Variants in PCDHGA10 observed in about 807,000 individuals in gnomAD.
The protein encoded by PCDHGA10 is protocadherin gamma-A10.
Under a neutral mutation model 59.5 loss-of-function variants are expected in PCDHGA10, and 42 were observed. That is an observed-to-expected ratio of 0.71 (90% CI 0.55 to 0.91). PCDHGA10 has a LOEUF of 0.91. Among genes scored for constraint, PCDHGA10 ranks in the 40% least tolerant of loss-of-function variants. The pLI, the probability that PCDHGA10 is intolerant of heterozygous loss-of-function variation, is 0.00. For synonymous variants in PCDHGA10, 511 were observed against 517.2 expected, an observed-to-expected ratio of 0.99 and a Z score of 0.16; for missense variants, 1,111 against 1,198.2, an observed-to-expected ratio of 0.93 and a Z score of 1.07.
chr5:141,500,104 T>G (rs917633032), intron 2 of PCDHGA10, among the ~76,000 whole-genome samples: 4 of 152,124 alleles, frequency 2.6e-5, no homozygotes, highest in Non-Finnish European at 4.4e-5. Flanking sequence ...AATTTATTTG[T>G]TGAATCCCTG....
At chr5:141,501,423 A>G (rs1195105794) in intron 2 of PCDHGA10, among the ~76,000 whole-genome samples, 4 of 151,966 alleles carry the variant, frequency 2.6e-5, no homozygotes, top group African/African-American at 7.2e-5. Flanking sequence ...AGTTGACTAA[A>G]TGTAGTCCAT....
intron 1 of PCDHGA10, chr5:141,423,903 AG>A: frequency 7.8e-7 from 1 of 1,276,130 alleles, no homozygotes. Context: ...TTGATTTCAA[AG>A]GGGCCATTCA....
rs1289333371 is a variant in PCDHGA10, at chr5:141,460,404, G to C, written c.2437-34403G>C. Among the ~76,000 whole-genome samples, 21 of 152,038 alleles carry C rather than the reference G, an allele frequency of 1.4e-4. 1 individual carries two copies. The highest frequency in any genetic ancestry group is 1.4e-3 in the Admixed American group (21 of 15,256). Reference sequence around the variant, plus strand: ...TATAATTTGGTCTATGAATCCTTTTGAGTTGATGTTTATGTATGGTGTATG... The same window carrying C: ...TATAATTTGGTCTATGAATCCTTTTCAGTTGATGTTTATGTATGGTGTATG... On this transcript the variant is annotated intron_variant, in intron 1 of 3. Transcript: ENST00000398610.
intron 1 of PCDHGA10, among the ~76,000 whole-genome samples, chr5:141,451,630 C>T (rs899343801): frequency 2.0e-5 from 3 of 152,132 alleles, no homozygotes; most frequent in Non-Finnish European, 2.9e-5. Flanking sequence ...ACCTGTAATT[C>T]CAGCACTCTG....
rs764692908 is a variant in PCDHGA10 at position 141,431,246 on chromosome 5, G to C, written c.2436+15635G>C. On this transcript the variant is annotated intron_variant, in intron 1 of 3. Coordinates refer to ENST00000398610, the MANE Select transcript of PCDHGA10 (RefSeq NM_018913.3). The surrounding 1 kb of genome is among the most constrained non-coding windows in gnomAD (Gnocchi z 4.8). ...ACCCCACGCCTGGGATCCGGATATC[G>C]GGAAGAACTCTCTGCAGAGCTACGA... 9 of 1,613,982 alleles carry C rather than the reference G, an allele frequency of 5.6e-6. No individual in the cohort carries two copies. Among genetic ancestry groups the C allele is most frequent in the Non-Finnish European group, 7.6e-6 (9 of 1,180,050 alleles).
At chr5:141,508,242 GC>G (rs1344624071) in intron 3 of PCDHGA10, 1 of 152,310 alleles carries the variant, frequency 6.6e-6, no homozygotes, top group African/African-American at 2.4e-5. Context: ...TCCTAAGTCT[GC>G]CTCTCCTGGG....
At position 141,431,418 on chromosome 5, in the gene PCDHGA10, C is replaced by G. The variant is rs571505529; in HGVS notation, c.2436+15807C>G. On this transcript the variant is annotated intron_variant, in intron 1 of 3. Transcript: ENST00000398610. The surrounding 1 kb of genome is among the most constrained non-coding windows in gnomAD (Gnocchi z 4.8). ...CTTACGGCCTCCGACGGGGGCGACC[C>G]GGTGCGCACAGGCACCGCGCGCATC... is the stretch of plus-strand genomic sequence containing the variant. 6.8e-6 allele frequency: 11 copies of G among 1,613,588 alleles called. No homozygotes were observed. In the South Asian group the frequency reaches 1.1e-4, roughly 16 times the overall value.
In PCDHGA10 at chr5:141,485,935, C is replaced by T. The variant is rs2099621642; in HGVS notation, c.2437-8872C>T. The T allele has an allele frequency of 6.2e-7, 1 of 1,614,026 alleles. No homozygotes were observed. Among genetic ancestry groups the T allele is most frequent in the Non-Finnish European group, 8.5e-7 (1 of 1,180,038 alleles). On this transcript the variant is annotated intron_variant, in intron 1 of 3. Coordinates refer to ENST00000398610, the MANE Select transcript of PCDHGA10 (RefSeq NM_018913.3). The surrounding 1 kb of genome is among the most constrained non-coding windows in gnomAD (Gnocchi z 5.7). Reference sequence around the variant, plus strand: ...GCTACAGGATTAGTGTGTTGGAGAGCGCACCAGCGGGCATGGTGCTCATCC... The same window carrying T: ...GCTACAGGATTAGTGTGTTGGAGAGTGCACCAGCGGGCATGGTGCTCATCC...
At chr5:141,468,330 C>CAAAAAAAAAAAA (rs533390277) in intron 1 of PCDHGA10, 1 of 79,864 alleles carries the variant, frequency 1.3e-5, no homozygotes, top group African/African-American at 3.9e-5. Context: ...AACTCCATCT[C>CAAAAAAAAAAAA]AAAAAAAAAA....
At chr5:141,498,947 AAAAG>A (rs1475471777) in intron 2 of PCDHGA10, among the ~76,000 whole-genome samples, 1 of 145,446 alleles carries the variant, frequency 6.9e-6, no homozygotes, top group African/African-American at 2.6e-5. Context: ...GAAAGAAAGA[AAAAG>A]AGAGAGAGGG....
intron 1 of PCDHGA10, chr5:141,423,760 G>GGT: frequency 7.2e-6 from 2 of 279,662 alleles, no homozygotes; most frequent in Non-Finnish European, 1.1e-5. Context: ...TGGGGGGGGG[G>GGT]TGGGGCGGCA....
chr5:141,419,933 C>CTGG (rs1192896428), intron 1 of PCDHGA10: 1 of 1,613,952 alleles, frequency 6.2e-7, no homozygotes, highest in African/African-American at 1.3e-5. Context: ...GCAGTTTTAC[C>CTGG]TGGTGGTGGC....
intron 1 of PCDHGA10, among the ~76,000 whole-genome samples, chr5:141,459,014 T>G (rs1429233660): frequency 6.6e-6 from 1 of 152,240 alleles, no homozygotes; most frequent in Non-Finnish European, 1.5e-5. Flanking sequence ...ATTACAGGCA[T>G]GAGCCACCAC....
chr5:141,459,548 C>G (rs980305784), intron 1 of PCDHGA10, among the ~76,000 whole-genome samples: 2 of 152,036 alleles, frequency 1.3e-5, no homozygotes, highest in African/African-American at 4.8e-5. Flanking sequence ...TTTTATTTCT[C>G]TTGGATAAAT....
intron 1 of PCDHGA10, chr5:141,418,535 G>A: frequency 6.2e-7 from 1 of 1,614,002 alleles, no homozygotes. Context: ...AAGCGGTACT[G>A]CTCAGATAAG....
chr5:141,466,885 G>A (rs997982577), intron 1 of PCDHGA10, among the ~76,000 whole-genome samples: 3 of 151,938 alleles, frequency 2.0e-5, no homozygotes, highest in Non-Finnish European at 4.4e-5. Context: ...TTCATAATAT[G>A]CATTTTCCAT....
At chr5:141,466,621 T>A (rs911794654) in intron 1 of PCDHGA10, among the ~76,000 whole-genome samples, 1 of 152,208 alleles carries the variant, frequency 6.6e-6, no homozygotes, top group Non-Finnish European at 1.5e-5. Context: ...GCCGTTTTCT[T>A]TGGAGCATTG....
At chr5:141,426,756 G>C in intron 1 of PCDHGA10, 1 of 456,302 alleles carries the variant, frequency 2.2e-6, no homozygotes, top group Non-Finnish European at 4.4e-6. Context: ...ATCTGCTATA[G>C]ATGCAGATGT....
At position 141,511,563 on chromosome 5, in the gene PCDHGA10, C is replaced by T. The variant is rs911782127; in HGVS notation, c.*390C>T. ...CCCCACTCCAACAGTTCCTCTTTCCCGAGTAAGGTGGTTGGGGTGTTGAAG... is the reference window on the plus strand; with the variant it reads ...CCCCACTCCAACAGTTCCTCTTTCCTGAGTAAGGTGGTTGGGGTGTTGAAG... On this transcript the variant is annotated 3_prime_UTR_variant, in exon 4 of 4. Coordinates refer to ENST00000398610, the MANE Select transcript of PCDHGA10 (RefSeq NM_018913.3). The T allele has an allele frequency of 7.8e-5, 23 of 295,048 alleles. No homozygotes were observed. The highest frequency in any genetic ancestry group is 3.4e-4 in the African/African-American group (16 of 46,532). The allele number at this position is 295,048 out of a possible 1,614,324, so 18.3% of individuals were successfully genotyped here. A position where few individuals can be genotyped will look rare whatever the true frequency, so the allele number is the denominator to read the frequency against.
Sources: gnomAD v4.1 joint callset for allele counts (sites outside exome capture counted in the v4.1 genomes callset) on GRCh38, gnomAD v4.1.1 for gene constraint, Gnocchi (gnomAD v3.1) non-coding constraint, MANE v1.5 for transcripts, NCBI Gene and HGNC (gene_info 2026-07-23, HGNC 2026-07-21) for gene names.